CHST11: variants seen among roughly 807,000 people sequenced by gnomAD.
CHST11 encodes the protein carbohydrate sulfotransferase 11, also known as C4S-1.
A neutral mutation model predicts 30.4 loss-of-function variants in CHST11; 9 were observed. That is an observed-to-expected ratio of 0.30 (90% confidence interval 0.18 to 0.52). The LOEUF (loss-of-function observed/expected upper bound fraction) is 0.52, where lower values mean the gene tolerates loss of function less well. Among genes scored for constraint, CHST11 ranks in the 20% least tolerant of loss-of-function variants. CHST11 has a pLI of 0.97. For missense variants in CHST11, 348 were observed against 460.6 expected, an observed-to-expected ratio of 0.76 and a Z score of 2.24; for synonymous variants, 152 against 187.8, an observed-to-expected ratio of 0.81 and a Z score of 1.56.
In CHST11 at chr12:104,729,471, G is replaced by T. The variant is rs1415819498; in HGVS notation, c.205-27478G>T. ...TGATTTGTGAAGAATGCAGATTCCT[G>T]TGCCCAGATTGGGTTTCTGGGAGCA... On this transcript the variant is annotated intron_variant, in intron 2 of 2. Transcript: ENST00000303694. The surrounding 1 kb of genome is among the most constrained non-coding windows in gnomAD (Gnocchi z 4.0). Among the ~76,000 whole-genome samples, 3 of 152,114 alleles carry T rather than the reference G, an allele frequency of 2.0e-5. No homozygotes were observed. Among genetic ancestry groups the T allele is most frequent in the African/African-American group, 4.8e-5 (2 of 41,420 alleles).
chr12:104,736,294 G>A (rs1423158045), intron 2 of CHST11, among the ~76,000 whole-genome samples: 3 of 152,108 alleles, frequency 2.0e-5, no homozygotes, highest in Non-Finnish European at 2.9e-5. Context: ...CGTGTGGCAT[G>A]TTCAGTGGAA....
chr12:104,575,329 CCAGA>C (rs1172025786), intron 1 of CHST11, among the ~76,000 whole-genome samples: 1 of 152,076 alleles, frequency 6.6e-6, no homozygotes, highest in Non-Finnish European at 1.5e-5. Flanking sequence ...CTGCTGTGTG[CCAGA>C]CAGTGTTCTT....
chr12:104,640,278 A>G (rs2035266928), intron 2 of CHST11, among the ~76,000 whole-genome samples: 2 of 152,232 alleles, frequency 1.3e-5, no homozygotes, highest in African/African-American at 4.8e-5. Context: ...TCTGCACACA[A>G]ATGTTTATGG....
chr12:104,643,234 G>A (rs565838182), intron 2 of CHST11, among the ~76,000 whole-genome samples: 11 of 152,330 alleles, frequency 7.2e-5, no homozygotes, highest in African/African-American at 1.4e-4. Flanking sequence ...AGGCTGAGGC[G>A]GGAGGATAGC....
intron 2 of CHST11, among the ~76,000 whole-genome samples, chr12:104,696,050 G>C (rs183399161): frequency 4.3e-4 from 66 of 152,288 alleles, no homozygotes; most frequent in Non-Finnish European, 8.4e-4. Context: ...CAGTCGTTCT[G>C]AGGGTACACA....
At chr12:104,706,611 C>T (rs573753917) in intron 2 of CHST11, among the ~76,000 whole-genome samples, 37 of 152,232 alleles carry the variant, frequency 2.4e-4, no homozygotes, top group African/African-American at 6.5e-4. Flanking sequence ...GAGAGGCAGC[C>T]CCCAGCCTTG....
intron 2 of CHST11, among the ~76,000 whole-genome samples, chr12:104,622,738 A>G (rs562518726): frequency 6.6e-6 from 1 of 152,312 alleles, no homozygotes; most frequent in South Asian, 2.1e-4. Context: ...CTCCCAATGT[A>G]AGGATAATGT....
chr12:104,650,888 G>A (rs2039484022), intron 2 of CHST11, among the ~76,000 whole-genome samples: 1 of 152,186 alleles, frequency 6.6e-6, no homozygotes, highest in Admixed American at 6.5e-5. Context: ...GAGCCAGAGG[G>A]CCTGGATTTG....
At chr12:104,511,000 C>T (rs73384136) in intron 1 of CHST11, among the ~76,000 whole-genome samples, 1,656 of 152,018 alleles carry the variant, frequency 0.011, 32 homozygotes, top group African/African-American at 0.038. Flanking sequence ...AAAATAAAAG[C>T]CCAAAACCTT....
At chr12:104,533,165 T>C (rs907971591) in intron 1 of CHST11, among the ~76,000 whole-genome samples, 2 of 152,154 alleles carry the variant, frequency 1.3e-5, no homozygotes, top group African/African-American at 4.8e-5. Flanking sequence ...ATTTCCATGG[T>C]ATTTTGAACC....
intron 2 of CHST11, among the ~76,000 whole-genome samples, chr12:104,664,307 G>A (rs1332429761): frequency 2.0e-5 from 3 of 152,114 alleles, no homozygotes; most frequent in Admixed American, 6.6e-5. Flanking sequence ...AAATGAGGAT[G>A]CTAACAAAAA....
At chr12:104,480,532 C>G (rs1352490619) in intron 1 of CHST11, among the ~76,000 whole-genome samples, 1 of 144,746 alleles carries the variant, frequency 6.9e-6, no homozygotes. Context: ...GAGCTGAGAT[C>G]GTGCCACTGC....
chr12:104,593,540 T>C (rs747986328), intron 1 of CHST11, among the ~76,000 whole-genome samples: 1 of 152,182 alleles, frequency 6.6e-6, no homozygotes, highest in Non-Finnish European at 1.5e-5. Context: ...GAAGGCCTGA[T>C]TGGTGGGAGG....
At chr12:104,701,167 G>T (rs980471967) in intron 2 of CHST11, among the ~76,000 whole-genome samples, 1 of 152,078 alleles carries the variant, frequency 6.6e-6, no homozygotes, top group African/African-American at 2.4e-5. Flanking sequence ...GGCTCAGAGG[G>T]GTTGAGTAAC....
intron 2 of CHST11, among the ~76,000 whole-genome samples, chr12:104,713,465 G>A (rs984921863): frequency 6.6e-6 from 1 of 152,136 alleles, no homozygotes; most frequent in Non-Finnish European, 1.5e-5. Flanking sequence ...AAATCCAGGT[G>A]GGAACCAGGG....
chr12:104,591,969 G>A (rs1388419904), intron 1 of CHST11, among the ~76,000 whole-genome samples: 5 of 151,512 alleles, frequency 3.3e-5, no homozygotes, highest in Non-Finnish European at 5.9e-5. Context: ...GCTGCAACTC[G>A]GCCTATAGCC....
At chr12:104,708,614 GC>G (rs1032908335) in intron 2 of CHST11, among the ~76,000 whole-genome samples, 6 of 152,104 alleles carry the variant, frequency 3.9e-5, no homozygotes, top group African/African-American at 1.4e-4. Context: ...TCCTCCAGGT[GC>G]CCCCTCCTAG....
intron 1 of CHST11, among the ~76,000 whole-genome samples, chr12:104,571,406 G>A (rs540445218): frequency 6.6e-6 from 1 of 151,752 alleles, no homozygotes. Context: ...CAGGTGATCC[G>A]CCCGCTTCGG....
At chr12:104,582,143 A>G (rs965910454) in intron 1 of CHST11, among the ~76,000 whole-genome samples, 5 of 152,180 alleles carry the variant, frequency 3.3e-5, no homozygotes, top group Non-Finnish European at 1.5e-5. Flanking sequence ...GTGGCAGCCA[A>G]TGCACTCAGT....
Sources: gnomAD v4.1 joint callset for allele counts (sites outside exome capture counted in the v4.1 genomes callset) on GRCh38, gnomAD v4.1.1 for gene constraint, Gnocchi (gnomAD v3.1) non-coding constraint, MANE v1.5 for transcripts, NCBI Gene and HGNC (gene_info 2026-07-23, HGNC 2026-07-21) for gene names.